The following INTU variants were observed in gnomAD, a reference collection of about 807,000 sequenced individuals.
The protein encoded by INTU is protein inturned.
In INTU, 68 loss-of-function variants were observed where a neutral mutation model predicts 100.5. The observed-to-expected ratio is 0.68, with a 90% confidence interval of 0.56 to 0.83. The LOEUF is 0.83. Ranked by LOEUF, INTU falls within the 40% of genes least tolerant of loss-of-function variation. The pLI, the probability that INTU is intolerant of heterozygous loss-of-function variation, is 0.00. For synonymous variants in INTU, 357 were observed against 395.7 expected, an observed-to-expected ratio of 0.90 and a Z score of 1.16; for missense variants, 1,071 against 1,114.7, an observed-to-expected ratio of 0.96 and a Z score of 0.56.
intron 7 of INTU, among the ~76,000 whole-genome samples, chr4:127,684,773 T>C (rs1729740899): frequency 6.6e-6 from 1 of 152,060 alleles, no homozygotes; most frequent in South Asian, 2.1e-4. Context: ...GTAGACAGTT[T>C]TTCATTTGAT....
rs775646634 is a variant in INTU at position 127,674,229 on chromosome 4, G to A, written c.1181+16G>A. On this transcript the variant is annotated intron_variant, in intron 6 of 15. Coordinates refer to ENST00000335251, the MANE Select transcript of INTU (RefSeq NM_015693.4). ...CTGCTGAAGAGTAAGTTGAGGTTTT[G>A]CTTACCTTAAAATCATTTCCAAATA... The A allele has an allele frequency of 1.9e-6, 3 of 1,566,670 alleles. No individual in the cohort carries two copies. The highest frequency in any genetic ancestry group is 2.6e-6 in the Non-Finnish European group (3 of 1,146,090).
chr4:127,700,532 C>G (rs1011846579), intron 9 of INTU, among the ~76,000 whole-genome samples: 1 of 152,070 alleles, frequency 6.6e-6, no homozygotes, highest in African/African-American at 2.4e-5. Context: ...CCAAAAGGAA[C>G]CAGGACTCCT....
At position 127,636,610 on chromosome 4, in the gene INTU, T is replaced by G. The variant is rs1049556234; in HGVS notation, c.146+3430T>G. Among the ~76,000 whole-genome samples, 3 of 128,132 alleles carry G rather than the reference T, an allele frequency of 2.3e-5. No individual in the cohort carries two copies. The Admixed American group carries it at 2.5e-4, about 11-fold the overall frequency. The allele number at this position is 128,132 out of a possible 152,430, so 84.1% of individuals were successfully genotyped here. A position where few individuals can be genotyped will look rare whatever the true frequency, so the allele number is the denominator to read the frequency against. ...CTGGGTGACAAAGTGAGACACACCA[T>G]CTCAAAAAAAAAAAAAAAAAAATCT... On this transcript the variant is annotated intron_variant, in intron 1 of 15. Coordinates refer to ENST00000335251, the MANE Select transcript of INTU (RefSeq NM_015693.4).
At chr4:127,698,143 G>A (rs544815703) in intron 8 of INTU, among the ~76,000 whole-genome samples, 5 of 152,078 alleles carry the variant, frequency 3.3e-5, no homozygotes, top group Admixed American at 1.3e-4. Context: ...AGTTAAAAAC[G>A]TGTGTGAGGC....
chr4:127,661,465 C>T (rs529760528), intron 3 of INTU, among the ~76,000 whole-genome samples: 4 of 152,190 alleles, frequency 2.6e-5, no homozygotes, highest in Admixed American at 6.5e-5. Flanking sequence ...TCTGAGGACC[C>T]GCTTTCTTGT....
chr4:127,685,542 T>C, intron 7 of INTU: 1 of 448,804 alleles, frequency 2.2e-6, no homozygotes, highest in Non-Finnish European at 4.5e-6. Flanking sequence ...CTGTCAAACC[T>C]GATTGCTTAC....
chr4:127,686,850 A>G (rs1231146904), intron 7 of INTU: 1 of 152,174 alleles, frequency 6.6e-6, no homozygotes. Context: ...TGTAGTAGTC[A>G]CTCAAATATT....
chr4:127,664,068 C>A (rs967163268), intron 4 of INTU, among the ~76,000 whole-genome samples: 9 of 152,082 alleles, frequency 5.9e-5, no homozygotes, highest in Non-Finnish European at 8.8e-5. Context: ...CAATCCCCTC[C>A]TGCTATTAAT....
At chr4:127,707,416 AAG>A (rs1491232559) in intron 12 of INTU, among the ~76,000 whole-genome samples, 4 of 150,964 alleles carry the variant, frequency 2.6e-5, no homozygotes, top group African/African-American at 9.7e-5. Flanking sequence ...AAAAAAAAAA[AAG>A]AAATATCAAA....
At chr4:127,655,781 C>G (rs1197810222) in intron 2 of INTU, among the ~76,000 whole-genome samples, 5 of 152,242 alleles carry the variant, frequency 3.3e-5, no homozygotes, top group Non-Finnish European at 7.3e-5. Flanking sequence ...GCTATGTTTA[C>G]CTAAGCAAGC....
intron 1 of INTU, among the ~76,000 whole-genome samples, chr4:127,634,803 G>A (rs1486512763): frequency 6.6e-6 from 1 of 152,174 alleles, no homozygotes; most frequent in Non-Finnish European, 1.5e-5. Flanking sequence ...TGTAGGACAT[G>A]AGGGTTAATT....
chr4:127,675,873 A>G (rs770355352), intron 6 of INTU: 4 of 293,348 alleles, frequency 1.4e-5, no homozygotes, highest in Non-Finnish European at 2.2e-5. Context: ...CATTTCCACA[A>G]TATTTCTAAT....
At chr4:127,686,793 T>C (rs1729846757) in intron 7 of INTU, 1 of 152,218 alleles carries the variant, frequency 6.6e-6, no homozygotes, top group Non-Finnish European at 1.5e-5. Flanking sequence ...TCTTTTGTCT[T>C]GATATTTTTA....
rs763044741 is a variant in INTU at position 127,643,693 on chromosome 4, T to C, written c.319T>C (p.Tyr107His). Residue 107 changes from tyrosine to histidine, a missense_variant, in exon 2 of 16, where the codon TAT (tyrosine) becomes CAT (histidine). Coordinates refer to ENST00000335251, the MANE Select transcript of INTU (RefSeq NM_015693.4). Reference sequence around the variant, plus strand: ...AGATGACTACAAAGAAAGAAAAAAGTATGAACCCAAACTCAAGCAGTTTAC... The same window carrying C: ...AGATGACTACAAAGAAAGAAAAAAGCATGAACCCAAACTCAAGCAGTTTAC... ...IEDDYKERKKYEPKLKQFTKI... is the reference protein window; with the variant it reads ...IEDDYKERKKHEPKLKQFTKI... 9 of 1,612,000 alleles carry C rather than the reference T, an allele frequency of 5.6e-6. No individual in the cohort carries two copies. The highest frequency in any genetic ancestry group is 5.4e-5 in the African/African-American group (4 of 74,566).
intron 8 of INTU, among the ~76,000 whole-genome samples, chr4:127,693,978 T>C (rs1414238566): frequency 2.0e-5 from 3 of 152,130 alleles, no homozygotes; most frequent in African/African-American, 4.8e-5. Context: ...TTCACTAGTA[T>C]TTTGTTGAGG....
chr4:127,686,449 T>C (rs1729830757), intron 7 of INTU: 1 of 152,308 alleles, frequency 6.6e-6, no homozygotes, highest in Non-Finnish European at 1.5e-5. Flanking sequence ...TTCTACATTA[T>C]TATCTGGTTC....
At position 127,643,554 on chromosome 4, in the gene INTU, G is replaced by T; in HGVS notation, c.180G>T (p.Gln60His). ...DLEPEWLDSV[Q>H]KNGELFYLEL... ...AGCCTGAATGGCTGGACAGTGTGCA[G>T]AAAAATGGAGAGCTGTTTTATTTGG... is the stretch of plus-strand genomic sequence containing the variant. The change falls in exon 2 of 16, where the codon CAG (glutamine) becomes CAT (histidine). Residue 60 changes from glutamine (Q) to histidine (H), a missense_variant. Coordinates refer to ENST00000335251, the MANE Select transcript of INTU (RefSeq NM_015693.4). 6.2e-7 allele frequency: 1 copy of T among 1,606,182 alleles called. No homozygotes were observed. The highest frequency in any genetic ancestry group is 1.1e-5 in the South Asian group (1 of 89,946).
At chr4:127,656,327 A>G (rs972528122) in intron 2 of INTU, among the ~76,000 whole-genome samples, 4 of 152,140 alleles carry the variant, frequency 2.6e-5, no homozygotes, top group Non-Finnish European at 4.4e-5. Flanking sequence ...CAAATTTTCC[A>G]TTTGTTCTTT....
Position 127,720,159 on chromosome 4 carries a change from C to T in INTU, c.*3723C>T, listed in dbSNP as rs1011446261. On this transcript the variant is annotated 3_prime_UTR_variant, in exon 16 of 16. Coordinates refer to ENST00000335251, the MANE Select transcript of INTU (RefSeq NM_015693.4). ...TCTTAACACTGCTTTAGCTATGCCC[C>T]AGAGATTCTGGTACATTGTCTCTTT... The T allele has an allele frequency of 1.3e-5, 2 of 152,116 alleles. No homozygotes were observed. The highest frequency in any genetic ancestry group is 2.9e-5 in the Non-Finnish European group (2 of 68,020). The allele number at this position is 152,116 out of a possible 1,614,324, so 9.4% of individuals were successfully genotyped here. A position where few individuals can be genotyped will look rare whatever the true frequency, so the allele number is the denominator to read the frequency against.
Sources: allele counts gnomAD v4.1 joint callset (sites outside exome capture counted in the v4.1 genomes callset), GRCh38; gene constraint gnomAD v4.1.1; transcripts MANE v1.5; gene names NCBI Gene and HGNC (gene_info 2026-07-23, HGNC 2026-07-21).